The following FAM185A variants were observed in gnomAD, a reference collection of about 807,000 sequenced individuals.
FAM185A encodes family with sequence similarity 185 member A, also known as protein FAM185A.
A neutral mutation model predicts 45.7 loss-of-function variants in FAM185A; 21 were observed. That is an observed-to-expected ratio of 0.46 (90% CI 0.33 to 0.66). The LOEUF (loss-of-function observed/expected upper bound fraction) is 0.66, where lower values mean the gene tolerates loss of function less well. Ranked by LOEUF, FAM185A falls within the 30% of genes least tolerant of loss-of-function variation. The pLI is 0.03. For missense variants in FAM185A, 305 were observed against 485.4 expected, an observed-to-expected ratio of 0.63 and a Z score of 3.49; for synonymous variants, 117 against 194.0, an observed-to-expected ratio of 0.60 and a Z score of 3.30.
chr7:102,801,364 G>A (rs1796780098), intron 7 of FAM185A, among the ~76,000 whole-genome samples: 1 of 151,778 alleles, frequency 6.6e-6, no homozygotes, highest in South Asian at 2.1e-4. Flanking sequence ...CAAATAAAAT[G>A]ACAAATGGAA....
At chr7:102,780,381 G>A (rs1795330478) in intron 6 of FAM185A, among the ~76,000 whole-genome samples, 1 of 152,154 alleles carries the variant, frequency 6.6e-6, no homozygotes, top group South Asian at 2.1e-4. Context: ...ATACCTAACA[G>A]AGTACTTTTC....
chr7:102,786,665 C>T (rs1384915441), intron 6 of FAM185A, among the ~76,000 whole-genome samples: 6 of 152,106 alleles, frequency 3.9e-5, no homozygotes, highest in Admixed American at 3.9e-4. Context: ...ACATCACACA[C>T]CGGGGCCTGT....
At chr7:102,784,891 T>C (rs1352585871) in intron 6 of FAM185A, among the ~76,000 whole-genome samples, 4 of 152,210 alleles carry the variant, frequency 2.6e-5, no homozygotes, top group African/African-American at 9.6e-5. Context: ...GGAAGTCAAA[T>C]TGTCCCTGTT....
the FAM185A span, among the ~76,000 whole-genome samples, chr7:102,844,282 G>A: frequency 5.3e-5 from 8 of 152,144 alleles, no homozygotes; most frequent in Non-Finnish European, 1.2e-4. Flanking sequence ...GAACAATGAC[G>A]ATTATCGAAG....
intron 6 of FAM185A, among the ~76,000 whole-genome samples, chr7:102,781,020 C>T (rs1414907824): frequency 5.9e-5 from 9 of 152,234 alleles, no homozygotes; most frequent in Admixed American, 2.6e-4. Context: ...TTATATCCCA[C>T]GCATGGCTCT....
Position 102,808,418 on chromosome 7 carries a change from G to C in FAM185A, c.*16G>C, listed in dbSNP as rs534506310. 26 of 1,385,976 alleles carry C rather than the reference G, an allele frequency of 1.9e-5. No homozygotes were observed. In the African/African-American group the frequency reaches 3.7e-4, roughly 20 times the overall value. 85.9% of individuals were successfully genotyped at this position (1,385,976 alleles called of 1,614,324 possible). A position where few individuals can be genotyped will look rare whatever the true frequency, so the allele number is the denominator to read the frequency against. On this transcript the variant is annotated 3_prime_UTR_variant, in exon 8 of 8. Coordinates refer to ENST00000413034, the MANE Select transcript of FAM185A (RefSeq NM_001145268.2). ...GCAGGACTAAAACTGATTTGAGTTG[G>C]ATTTATGATTTTTAACAATGATTCG... is the stretch of plus-strand genomic sequence containing the variant.
chr7:102,813,027 A>G (rs141209534), downstream of FAM185A, among the ~76,000 whole-genome samples: 1,894 of 151,700 alleles, frequency 0.012, 47 homozygotes, highest in African/African-American at 0.044. Context: ...ATTTTTAGTA[A>G]AGATGGGGTT....
chr7:102,774,572 G>T (rs1794940634), intron 5 of FAM185A, among the ~76,000 whole-genome samples: 1 of 152,074 alleles, frequency 6.6e-6, no homozygotes. Context: ...TTTAACAGAT[G>T]CCTTTTATCA....
At chr7:102,759,203 T>C (rs182538276) in intron 3 of FAM185A, among the ~76,000 whole-genome samples, 55 of 152,190 alleles carry the variant, frequency 3.6e-4, no homozygotes, top group African/African-American at 1.1e-3. Flanking sequence ...GCTAATGTTA[T>C]TGAAATAAGT....
At chr7:102,819,363 G>C in the FAM185A span, among the ~76,000 whole-genome samples, 1 of 152,084 alleles carries the variant, frequency 6.6e-6, no homozygotes, top group Non-Finnish European at 1.5e-5. Context: ...AAACCCTTCA[G>C]ACTCTGGGGT....
chr7:102,755,533 G>C, intron 2 of FAM185A: 1 of 624,000 alleles, frequency 1.6e-6, no homozygotes, highest in Non-Finnish European at 2.8e-6. Flanking sequence ...CCCATTAAGA[G>C]ACCACCTGTC....
intron 4 of FAM185A, among the ~76,000 whole-genome samples, chr7:102,769,083 C>A (rs1794585901): frequency 6.6e-6 from 1 of 151,978 alleles, no homozygotes; most frequent in African/African-American, 2.4e-5. Flanking sequence ...TAGAGATTTT[C>A]TAAATATTTT....
At chr7:102,776,759 T>A (rs1336808097) in intron 5 of FAM185A, among the ~76,000 whole-genome samples, 3 of 151,312 alleles carry the variant, frequency 2.0e-5, no homozygotes, top group Non-Finnish European at 4.4e-5. Flanking sequence ...GAGTAATCTT[T>A]TACTATTAGG....
chr7:102,750,948 C>T (rs988354703), intron 1 of FAM185A, among the ~76,000 whole-genome samples: 3 of 152,306 alleles, frequency 2.0e-5, no homozygotes, highest in African/African-American at 7.2e-5. Context: ...CTCACTCACT[C>T]TGCCACGCAG....
intron 5 of FAM185A, among the ~76,000 whole-genome samples, chr7:102,773,662 C>A (rs577928608): frequency 1.3e-5 from 2 of 152,138 alleles, no homozygotes; most frequent in Non-Finnish European, 2.9e-5. Context: ...CCACTTTATA[C>A]TCTCATCAAC....
At chr7:102,770,654 A>G (rs1406699124) in intron 4 of FAM185A, among the ~76,000 whole-genome samples, 1 of 152,208 alleles carries the variant, frequency 6.6e-6, no homozygotes, top group Non-Finnish European at 1.5e-5. Context: ...CCACAATGAG[A>G]TATCATCTCA....
intron 5 of FAM185A, among the ~76,000 whole-genome samples, chr7:102,775,512 A>T (rs559368437): frequency 5.2e-4 from 79 of 152,254 alleles, no homozygotes; most frequent in Non-Finnish European, 2.1e-4. Flanking sequence ...CCTCCAAGGG[A>T]TGAGCCATCA....
the FAM185A span, among the ~76,000 whole-genome samples, chr7:102,815,978 C>T: frequency 6.6e-6 from 1 of 152,166 alleles, no homozygotes; most frequent in African/African-American, 2.4e-5. Flanking sequence ...GGAGACTACT[C>T]ATTTAATGCA....
chr7:102,815,895 G>GAAA, the FAM185A span, among the ~76,000 whole-genome samples: 2 of 152,212 alleles, frequency 1.3e-5, no homozygotes, highest in East Asian at 3.9e-4. Context: ...GGGGGTTTGA[G>GAAA]AAAATAACAA....
Sources: gnomAD v4.1 joint callset for allele counts (sites outside exome capture counted in the v4.1 genomes callset) on GRCh38, gnomAD v4.1.1 for gene constraint, MANE v1.5 for transcripts, NCBI Gene and HGNC (gene_info 2026-07-23, HGNC 2026-07-21) for gene names.